CTNNA3: variants seen among roughly 807,000 people sequenced by gnomAD.
The protein encoded by CTNNA3 is catenin alpha-3.
CTNNA3 carries 76 observed loss-of-function variants against 95.7 expected under a neutral mutation model. That is an observed-to-expected ratio of 0.79 (90% CI 0.66 to 0.96). The LOEUF (loss-of-function observed/expected upper bound fraction) is 0.96, where lower values mean the gene tolerates loss of function less well. Among genes scored for constraint, CTNNA3 ranks in the 40% least tolerant of loss-of-function variants. CTNNA3 has a pLI of 0.00. For missense variants in CTNNA3, 1,191 were observed against 1,089.8 expected (o/e 1.09, Z -1.31); for synonymous variants, 431 against 374.4 (o/e 1.15, Z -1.74).
intron 1 of CTNNA3, among the ~76,000 whole-genome samples, chr10:67,704,181 C>T (rs1014427312): frequency 9.2e-5 from 14 of 152,118 alleles, no homozygotes; most frequent in African/African-American, 2.7e-4. Flanking sequence ...GAATCAACAT[C>T]GTGAAAATGG....
chr10:67,529,906 T>A (rs1840274387), intron 4 of CTNNA3, among the ~76,000 whole-genome samples: 1 of 151,988 alleles, frequency 6.6e-6, no homozygotes. Context: ...GATTGAATTA[T>A]GGGGGCAGGT....
chr10:66,545,127 TAAAAC>T (rs1221818291), intron 10 of CTNNA3, among the ~76,000 whole-genome samples: 1 of 152,024 alleles, frequency 6.6e-6, no homozygotes, highest in Non-Finnish European at 1.5e-5. Flanking sequence ...TATGGTTAAA[TAAAAC>T]AAAAATTAAA....
intron 5 of CTNNA3, among the ~76,000 whole-genome samples, chr10:67,258,198 C>T (rs1248500751): frequency 3.3e-5 from 5 of 152,164 alleles, no homozygotes; most frequent in African/African-American, 1.2e-4. Context: ...GGCTGGAGAG[C>T]AGTGGCTTGA....
intron 5 of CTNNA3, among the ~76,000 whole-genome samples, chr10:67,519,481 C>T (rs918073817): frequency 6.6e-6 from 1 of 152,104 alleles, no homozygotes; most frequent in Non-Finnish European, 1.5e-5. Context: ...AAGGCTTATG[C>T]TCTTTTGAAT....
chr10:67,645,188 T>TGCGC (rs531994593), intron 2 of CTNNA3, among the ~76,000 whole-genome samples: 1 of 142,194 alleles, frequency 7.0e-6, no homozygotes, highest in African/African-American at 2.9e-5. Context: ...AATGTGCACG[T>TGCGC]GCGCGCACAC....
chr10:66,730,942 C>T (rs1848940453), intron 9 of CTNNA3, among the ~76,000 whole-genome samples: 1 of 152,096 alleles, frequency 6.6e-6, no homozygotes, highest in South Asian at 2.1e-4. Flanking sequence ...TAACAAGAAG[C>T]CCTAGGAAAG....
intron 1 of CTNNA3, among the ~76,000 whole-genome samples, chr10:67,702,814 T>C (rs1465952249): frequency 1.3e-5 from 2 of 151,792 alleles, no homozygotes; most frequent in Non-Finnish European, 2.9e-5. Flanking sequence ...CAAAAACCCT[T>C]CAGAAAATTA....
intron 7 of CTNNA3, among the ~76,000 whole-genome samples, chr10:66,838,675 T>C (rs1025565073): frequency 6.6e-6 from 1 of 152,138 alleles, no homozygotes; most frequent in African/African-American, 2.4e-5. Context: ...GGAGAGGAAA[T>C]GTGCTGAGCT....
intron 5 of CTNNA3, among the ~76,000 whole-genome samples, chr10:67,311,495 A>T (rs1355080603): frequency 1.3e-5 from 2 of 152,184 alleles, no homozygotes; most frequent in East Asian, 1.9e-4. Context: ...CTTGCCTATA[A>T]AAAGGCAGAC....
chr10:67,200,490 C>G (rs190785230), intron 6 of CTNNA3, among the ~76,000 whole-genome samples: 1 of 152,306 alleles, frequency 6.6e-6, no homozygotes, highest in African/African-American at 2.4e-5. Context: ...AATTATCCCT[C>G]TAAACATCGG....
chr10:66,469,172 G>A (rs1329334899), intron 11 of CTNNA3, among the ~76,000 whole-genome samples: 2 of 151,766 alleles, frequency 1.3e-5, no homozygotes, highest in Non-Finnish European at 2.9e-5. Flanking sequence ...TGACCTTTTG[G>A]GGCTCACATA....
intron 10 of CTNNA3, among the ~76,000 whole-genome samples, chr10:66,597,651 GA>G (rs1345290154): frequency 2.0e-5 from 3 of 147,498 alleles, no homozygotes; most frequent in African/African-American, 7.5e-5. Context: ...ACATACAAAG[GA>G]ACCCTCATGA....
chr10:66,865,205 T>C (rs559780237), intron 7 of CTNNA3, among the ~76,000 whole-genome samples: 2,132 of 97,524 alleles, frequency 0.022, 34 homozygotes, highest in African/African-American at 0.059. Flanking sequence ...ATGGGGTGTG[T>C]GTGTGTGCGT....
At chr10:67,266,351 A>G (rs893265480) in intron 5 of CTNNA3, among the ~76,000 whole-genome samples, 1 of 151,914 alleles carries the variant, frequency 6.6e-6, no homozygotes, top group South Asian at 2.1e-4. Context: ...TGTCCCCTCC[A>G]TGGCTGGCTA....
At chr10:66,163,781 A>T (rs1357945349) in intron 13 of CTNNA3, among the ~76,000 whole-genome samples, 1 of 152,216 alleles carries the variant, frequency 6.6e-6, no homozygotes, top group African/African-American at 2.4e-5. Flanking sequence ...CTGCATGACC[A>T]TGTTCAAGTT....
chr10:65,968,341 A>G (rs2078022175), intron 16 of CTNNA3, among the ~76,000 whole-genome samples: 1 of 152,170 alleles, frequency 6.6e-6, no homozygotes, highest in Admixed American at 6.5e-5. Flanking sequence ...GCAACACTGC[A>G]CTCCAGCCTG....
chr10:67,351,586 T>G (rs1477136562), intron 5 of CTNNA3, among the ~76,000 whole-genome samples: 4 of 152,058 alleles, frequency 2.6e-5, no homozygotes, highest in Non-Finnish European at 4.4e-5. Context: ...TTGGCCAGCG[T>G]GTTGTTTACC....
At chr10:67,411,579 A>T (rs1265677916) in intron 5 of CTNNA3, among the ~76,000 whole-genome samples, 2 of 152,128 alleles carry the variant, frequency 1.3e-5, no homozygotes, top group Non-Finnish European at 2.9e-5. Context: ...AGTTAGGGGA[A>T]AGTCTAGTGC....
chr10:67,396,409 TC>T (rs1844708235), intron 5 of CTNNA3, among the ~76,000 whole-genome samples: 3 of 152,174 alleles, frequency 2.0e-5, no homozygotes, highest in Admixed American at 6.5e-5. Context: ...GGTAAAATTA[TC>T]ATTCCAGCTA....
Sources: gnomAD v4.1 joint callset for allele counts (sites outside exome capture counted in the v4.1 genomes callset) on GRCh38, gnomAD v4.1.1 for gene constraint, MANE v1.5 for transcripts, NCBI Gene and HGNC (gene_info 2026-07-23, HGNC 2026-07-21) for gene names.